PCCA: variants seen among roughly 807,000 people sequenced by gnomAD.
PCCA encodes the protein propionyl-CoA carboxylase alpha chain, mitochondrial.
PCCA carries 74 observed loss-of-function variants against 101.3 expected under a neutral mutation model. That is an observed-to-expected ratio of 0.73 (90% CI 0.61 to 0.89). The LOEUF is 0.89. Among genes scored for constraint, PCCA ranks in the 40% least tolerant of loss-of-function variants. The pLI is 0.00. For missense variants in PCCA, 891 were observed against 907.0 expected, an observed-to-expected ratio of 0.98 and a Z score of 0.23; for synonymous variants, 294 against 313.6, an observed-to-expected ratio of 0.94 and a Z score of 0.66.
intron 21 of PCCA, among the ~76,000 whole-genome samples, chr13:100,483,979 CA>C (rs2084163908): frequency 6.6e-6 from 1 of 152,092 alleles, no homozygotes; most frequent in South Asian, 2.1e-4. Context: ...TTCAGTTTCA[CA>C]AATAGAAAAA....
intron 18 of PCCA, among the ~76,000 whole-genome samples, chr13:100,366,592 T>C (rs2075181758): frequency 6.6e-6 from 1 of 152,110 alleles, no homozygotes; most frequent in East Asian, 1.9e-4. Flanking sequence ...CTTTCTTCCC[T>C]TCTTCCTTTC....
Position 100,150,936 on chromosome 13 carries a change from C to T in PCCA, c.301-4043C>T, listed in dbSNP as rs1401153667. The T allele has an allele frequency of 5.9e-6, 9 of 1,533,620 alleles. No homozygotes were observed. In the African/African-American group the frequency reaches 1.1e-4, roughly 19 times the overall value. On this transcript the variant is annotated intron_variant, in intron 4 of 23. Coordinates refer to ENST00000376285, the MANE Select transcript of PCCA (RefSeq NM_000282.4). ...TATATAACGTAACCTTGCTTGGCCT[C>T]GCAGCCCAGTCAGCGCGCTTTATCA...
chr13:100,527,237 C>G (rs530706866), intron 22 of PCCA: 1 of 460,722 alleles, frequency 2.2e-6, no homozygotes, highest in Non-Finnish European at 4.5e-6. Flanking sequence ...ACATTTTTAT[C>G]ACTCTCAAAA....
chr13:100,350,895 A>G (rs1430846866), intron 18 of PCCA, among the ~76,000 whole-genome samples: 1 of 152,120 alleles, frequency 6.6e-6, no homozygotes, highest in African/African-American at 2.4e-5. Context: ...ACCTTTCCCA[A>G]TTCATTTTGG....
rs549703838 is a variant in PCCA at position 100,247,286 on chromosome 13, C to T, written c.638-10309C>T. 6.2e-5 allele frequency among the ~76,000 whole-genome samples: 9 copies of T among 145,768 alleles called. No individual in the cohort carries two copies. The East Asian group carries it at 1.6e-3, about 26-fold the overall frequency. ...AGACGGGAGTACAGTGGCATGATCT[C>T]GGCTCACTGCAAGCTCCCCTCCCAG... is the stretch of plus-strand genomic sequence containing the variant. On this transcript the variant is annotated intron_variant, in intron 8 of 23. Coordinates refer to ENST00000376285, the MANE Select transcript of PCCA (RefSeq NM_000282.4).
intron 6 of PCCA, among the ~76,000 whole-genome samples, chr13:100,190,069 C>T (rs2057631016): frequency 6.6e-6 from 1 of 152,182 alleles, no homozygotes; most frequent in Admixed American, 6.5e-5. Flanking sequence ...CAGGTCTTAA[C>T]TAGAATCTAG....
chr13:100,152,101 C>G (rs189080478), intron 4 of PCCA, among the ~76,000 whole-genome samples: 16 of 152,272 alleles, frequency 1.1e-4, no homozygotes, highest in African/African-American at 3.4e-4. Context: ...TTAAGTGTCT[C>G]TTTAACTAAG....
At chr13:100,274,749 A>G (rs1384502013) in intron 12 of PCCA, among the ~76,000 whole-genome samples, 2 of 152,062 alleles carry the variant, frequency 1.3e-5, no homozygotes, top group African/African-American at 4.8e-5. Context: ...GACCCTTCCC[A>G]TTTAGTACGG....
intron 18 of PCCA, among the ~76,000 whole-genome samples, chr13:100,361,658 A>AGCATTACTAG (rs1217023432): frequency 2.0e-5 from 3 of 152,190 alleles, no homozygotes; most frequent in African/African-American, 2.4e-5. Context: ...TAAGGTCCTC[A>AGCATTACTAG]GCATTACTAG....
At chr13:100,422,658 T>C (rs969531190) in intron 19 of PCCA, among the ~76,000 whole-genome samples, 2 of 152,210 alleles carry the variant, frequency 1.3e-5, no homozygotes, top group Non-Finnish European at 2.9e-5. Flanking sequence ...GTTAGTCTTA[T>C]CTATTTCATT....
chr13:100,451,739 T>TCTCTCTC (rs1491418935), intron 21 of PCCA, among the ~76,000 whole-genome samples: 1 of 87,188 alleles, frequency 1.1e-5, no homozygotes, highest in African/African-American at 4.6e-5. Context: ...TCTCTCTCTC[T>TCTCTCTC]TCTCTCCTTC....
At chr13:100,478,995 A>T (rs2083656722) in intron 21 of PCCA, among the ~76,000 whole-genome samples, 1 of 152,174 alleles carries the variant, frequency 6.6e-6, no homozygotes, top group Non-Finnish European at 1.5e-5. Context: ...CACTCAGGGT[A>T]AGGGACAGCC....
intron 19 of PCCA, among the ~76,000 whole-genome samples, chr13:100,413,091 A>T (rs538218578): frequency 6.6e-6 from 1 of 152,356 alleles, no homozygotes; most frequent in South Asian, 2.1e-4. Context: ...TCCTTGGTAG[A>T]TAGGAGCATA....
intron 2 of PCCA, among the ~76,000 whole-genome samples, chr13:100,103,802 A>C (rs2047502307): frequency 6.7e-6 from 1 of 150,356 alleles, no homozygotes; most frequent in African/African-American, 2.5e-5. Context: ...CGCCCGTCTA[A>C]TTTTTGTGTT....
At chr13:100,158,618 A>G (rs1293834592) in intron 6 of PCCA, among the ~76,000 whole-genome samples, 2 of 152,312 alleles carry the variant, frequency 1.3e-5, no homozygotes, top group East Asian at 3.9e-4. Flanking sequence ...TATAAAAACT[A>G]TTTGAATATA....
chr13:100,259,273 A>G lies in PCCA; in HGVS notation c.716+1600A>G, dbSNP rs538009860. 1.4e-4 allele frequency among the ~76,000 whole-genome samples: 20 copies of G among 144,210 alleles called. No homozygotes were observed. The East Asian group carries it at 3.6e-3, about 26-fold the overall frequency. 94.6% of individuals were successfully genotyped at this position (144,210 alleles called of 152,430 possible). On this transcript the variant is annotated intron_variant, in intron 9 of 23. Coordinates refer to ENST00000376285, the MANE Select transcript of PCCA (RefSeq NM_000282.4). ...TGTTTTTTGGGGGGAAGTAGCATCT[A>G]TGACTTGTCTTGGAATCTGTAGGAC...
intron 4 of PCCA, among the ~76,000 whole-genome samples, chr13:100,142,609 G>A (rs1205713619): frequency 6.6e-6 from 1 of 151,978 alleles, no homozygotes; most frequent in African/African-American, 2.4e-5. Flanking sequence ...GAGTAGTTAG[G>A]ATTACAAGTG....
At chr13:100,529,017 G>A (rs1026848991) in intron 23 of PCCA, among the ~76,000 whole-genome samples, 5 of 152,172 alleles carry the variant, frequency 3.3e-5, no homozygotes, top group South Asian at 2.1e-4. Flanking sequence ...CCATGTGGTA[G>A]TAGGTTTCCT....
chr13:100,501,873 C>CAATAAATA lies in PCCA; in HGVS notation c.1900-13531_1900-13524dup, dbSNP rs369191551. Among the ~76,000 whole-genome samples, 788 of 150,288 alleles carry CAATAAATA rather than the reference C, an allele frequency of 5.2e-3. 14 individuals carry two copies. Among genetic ancestry groups the CAATAAATA allele is most frequent in the African/African-American group, 0.018 (733 of 40,610 alleles). Reference sequence around the variant, plus strand: ...TGGGCAACAGAGGGACACTCCTTCTCAATAAATAAATAAATAAATAAATAA... The same window carrying CAATAAATA: ...TGGGCAACAGAGGGACACTCCTTCTCAATAAATAAATAAATAAATAAATAAATAAATAA... On this transcript the variant is annotated intron_variant, in intron 21 of 23. Transcript: ENST00000376285.
Sources: allele counts gnomAD v4.1 joint callset (sites outside exome capture counted in the v4.1 genomes callset), GRCh38; gene constraint gnomAD v4.1.1; transcripts MANE v1.5; gene names NCBI Gene and HGNC (gene_info 2026-07-23, HGNC 2026-07-21).